Variants in CCDC146 observed in about 807,000 individuals in gnomAD.
CCDC146 encodes the protein coiled-coil domain-containing protein 146.
A neutral mutation model predicts 119.3 loss-of-function variants in CCDC146; 92 were observed. The observed-to-expected ratio is 0.77, with a 90% confidence interval of 0.65 to 0.92. The LOEUF (loss-of-function observed/expected upper bound fraction) is 0.92, where lower values mean the gene tolerates loss of function less well. CCDC146 is among the 40% of genes least tolerant of loss of function. The pLI is 0.00. For synonymous variants in CCDC146, 372 were observed against 371.8 expected, an observed-to-expected ratio of 1.00 and a Z score of -0.01; for missense variants, 1,000 against 1,103.0, an observed-to-expected ratio of 0.91 and a Z score of 1.32.
intron 1 of CCDC146, among the ~76,000 whole-genome samples, chr7:77,163,693 C>T (rs2117474349): frequency 6.6e-6 from 1 of 151,968 alleles, no homozygotes; most frequent in South Asian, 2.1e-4. Context: ...GGTTTTGCTT[C>T]AAAATAACCT....
At chr7:77,146,079 T>G (rs1791014467) in intron 1 of CCDC146, among the ~76,000 whole-genome samples, 1 of 151,972 alleles carries the variant, frequency 6.6e-6, no homozygotes, top group South Asian at 2.1e-4. Flanking sequence ...CACTCAGGAC[T>G]TGCTTTATGA....
At chr7:77,242,951 A>G (rs1792877858) in intron 4 of CCDC146, among the ~76,000 whole-genome samples, 1 of 152,104 alleles carries the variant, frequency 6.6e-6, no homozygotes, top group African/African-American at 2.4e-5. Context: ...CAGGGGGGAA[A>G]ATTGGAGGTT....
At chr7:77,256,210 T>C in intron 5 of CCDC146, 123 bp from the exon 6 acceptor site, 2 of 651,938 alleles carry the variant, frequency 3.1e-6, no homozygotes, top group South Asian at 4.4e-5. Context: ...TTGTGAGAAA[T>C]CATTCATGAA....
At position 77,282,579 on chromosome 7, in the gene CCDC146, GA is replaced by G; in HGVS notation, c.1944del (p.Glu649LysfsTer10). The G allele has an allele frequency of 6.2e-7, 1 of 1,609,476 alleles. No homozygotes were observed. The highest frequency in any genetic ancestry group is 8.5e-7 in the Non-Finnish European group (1 of 1,177,682). On this transcript the variant is annotated frameshift_variant, in exon 15 of 19. Coordinates refer to ENST00000285871, the MANE Select transcript of CCDC146 (RefSeq NM_020879.3). LOFTEE classifies it high-confidence loss of function. ...TAGTGGCGTTCAGCTGATAGAGCGG[GA>G]AGAAGAAATATGCATTTTTTATGAA... ...NESGVQLIER[E>X]EEICIFYEKI...
At chr7:77,163,129 T>C (rs567957337) in intron 1 of CCDC146, among the ~76,000 whole-genome samples, 1 of 152,304 alleles carries the variant, frequency 6.6e-6, no homozygotes, top group African/African-American at 2.4e-5. Context: ...AACCTAAGTT[T>C]TCAAAGTTAA....
intron 2 of CCDC146, among the ~76,000 whole-genome samples, chr7:77,205,052 T>C (rs891504282): frequency 2.0e-5 from 3 of 152,162 alleles, no homozygotes; most frequent in Admixed American, 2.0e-4. Context: ...CAGGAATTTT[T>C]ACTTCTTGTA....
intron 11 of CCDC146, among the ~76,000 whole-genome samples, chr7:77,276,239 C>CCCAGATGT (rs1793636024): frequency 6.7e-6 from 1 of 149,668 alleles, no homozygotes; most frequent in South Asian, 2.1e-4. Context: ...TATCTCATGA[C>CCCAGATGT]CCAGATGTGG....
chr7:77,282,426 G>A, intron 14 of CCDC146, 131 bp from the exon 15 acceptor site: 1 of 632,808 alleles, frequency 1.6e-6, no homozygotes, highest in South Asian at 2.1e-5. Context: ...AGCCATTGGT[G>A]ACTATCTGTG....
chr7:77,182,156 A>G (rs899963597), intron 2 of CCDC146, among the ~76,000 whole-genome samples: 2 of 152,196 alleles, frequency 1.3e-5, no homozygotes, highest in Non-Finnish European at 2.9e-5. Context: ...CAGATTAGGA[A>G]GATAGGAATT....
intron 9 of CCDC146, among the ~76,000 whole-genome samples, chr7:77,265,149 T>C (rs1338354084): frequency 6.6e-6 from 1 of 152,226 alleles, no homozygotes; most frequent in Non-Finnish European, 1.5e-5. Flanking sequence ...ACACAGACCC[T>C]GTGGCCACCC....
rs190045716 is a variant in CCDC146, at chr7:77,291,145, T to C, written c.2416-1807T>C. 1.6e-4 allele frequency among the ~76,000 whole-genome samples: 24 copies of C among 152,202 alleles called. No individual in the cohort carries two copies. In the East Asian group the frequency reaches 4.2e-3, roughly 27 times the overall value. On this transcript the variant is annotated intron_variant, in intron 17 of 18. Coordinates refer to ENST00000285871, the MANE Select transcript of CCDC146 (RefSeq NM_020879.3). ...TTATGGGATGACAAAAATAGTGAAA[T>C]ACATATATAATATCAGCAGTGAGAC...
intron 4 of CCDC146, among the ~76,000 whole-genome samples, chr7:77,246,044 C>T (rs1468482778): frequency 6.6e-6 from 1 of 151,860 alleles, no homozygotes; most frequent in Non-Finnish European, 1.5e-5. Flanking sequence ...TGCCCCAGCC[C>T]ACCGCCCCCA....
chr7:77,141,629 C>A (rs1241034202), intron 1 of CCDC146, among the ~76,000 whole-genome samples: 1 of 152,112 alleles, frequency 6.6e-6, no homozygotes, highest in African/African-American at 2.4e-5. Flanking sequence ...CGTGAGATGG[C>A]ATCTCGTTGT....
At chr7:77,199,569 G>C (rs757330890) in intron 2 of CCDC146, 7 of 1,613,978 alleles carry the variant, frequency 4.3e-6, no homozygotes, top group Non-Finnish European at 5.9e-6. Context: ...ACACCTCCTC[G>C]ATCCTGCTGA....
intron 14 of CCDC146, among the ~76,000 whole-genome samples, chr7:77,282,087 A>G (rs1793774711): frequency 1.3e-5 from 2 of 152,216 alleles, no homozygotes; most frequent in South Asian, 4.1e-4. Flanking sequence ...ACAACCAGAA[A>G]TATTCAACTT....
intron 12 of CCDC146, 24 bp from the exon 13 acceptor site, chr7:77,278,913 A>AGTAAACACTTTG: frequency 6.2e-7 from 1 of 1,603,678 alleles, no homozygotes. Flanking sequence ...CATAAGTTTC[A>AGTAAACACTTTG]GTAAACACTT....
chr7:77,221,146 C>T (rs1792396255), intron 2 of CCDC146, among the ~76,000 whole-genome samples: 1 of 152,102 alleles, frequency 6.6e-6, no homozygotes, highest in Non-Finnish European at 1.5e-5. Flanking sequence ...TAGTGCTATA[C>T]CATTCATAAA....
intron 2 of CCDC146, among the ~76,000 whole-genome samples, chr7:77,229,316 G>A (rs1792576122): frequency 6.6e-6 from 1 of 152,152 alleles, no homozygotes. Flanking sequence ...AAACTCTTTA[G>A]TTTAATTAGA....
At chr7:77,146,812 A>G (rs1196284589) in intron 1 of CCDC146, among the ~76,000 whole-genome samples, 1 of 152,114 alleles carries the variant, frequency 6.6e-6, no homozygotes, top group African/African-American at 2.4e-5. Context: ...TTTGTGGGTA[A>G]CCCGACCTTT....
Sources: allele counts gnomAD v4.1 joint callset (sites outside exome capture counted in the v4.1 genomes callset), GRCh38; gene constraint gnomAD v4.1.1; transcripts MANE v1.5; gene names NCBI Gene and HGNC (gene_info 2026-07-23, HGNC 2026-07-21).